RIMS2: variants seen among roughly 807,000 people sequenced by gnomAD.
RIMS2 encodes the protein regulating synaptic membrane exocytosis 2.
In RIMS2, 59 loss-of-function variants were observed where a neutral mutation model predicts 174.4. That is an observed-to-expected ratio of 0.34 (90% CI 0.27 to 0.42). The LOEUF (loss-of-function observed/expected upper bound fraction) is 0.42, where lower values mean the gene tolerates loss of function less well. Among genes scored for constraint, RIMS2 ranks in the 10% least tolerant of loss-of-function variants. The pLI is 1.00. For missense variants in RIMS2, 1,620 were observed against 1,666.3 expected, an observed-to-expected ratio of 0.97 and a Z score of 0.48; for synonymous variants, 606 against 572.5, an observed-to-expected ratio of 1.06 and a Z score of -0.84.
At chr8:104,054,288 C>T (rs189570885) in intron 19 of RIMS2, among the ~76,000 whole-genome samples, 2 of 152,192 alleles carry the variant, frequency 1.3e-5, no homozygotes, top group East Asian at 1.9e-4. Flanking sequence ...GGTAATGTTA[C>T]ACTACATGAC....
chr8:104,172,462 T>G (rs1297162910), intron 19 of RIMS2, among the ~76,000 whole-genome samples: 16 of 152,216 alleles, frequency 1.1e-4, no homozygotes, highest in Admixed American at 1.0e-3. Context: ...GATTTTTGCT[T>G]GATAAATAAT....
intron 2 of RIMS2, among the ~76,000 whole-genome samples, chr8:103,727,245 T>G (rs1287023298): frequency 1.3e-5 from 2 of 152,118 alleles, no homozygotes; most frequent in Non-Finnish European, 1.5e-5. Flanking sequence ...ATAGTTTACC[T>G]TCTTCTTTCT....
At chr8:103,938,423 TGAG>T (rs989123993) in intron 13 of RIMS2, among the ~76,000 whole-genome samples, 2 of 152,026 alleles carry the variant, frequency 1.3e-5, no homozygotes, top group Non-Finnish European at 2.9e-5. Context: ...TTATTCACTA[TGAG>T]GAGAACAGCA....
chr8:104,240,137 C>G (rs564685828), intron 19 of RIMS2, among the ~76,000 whole-genome samples: 1 of 152,290 alleles, frequency 6.6e-6, no homozygotes, highest in East Asian at 1.9e-4. Context: ...AGAGAAAGCA[C>G]TCTGCTTTGA....
chr8:104,071,344 T>C (rs2097191970), intron 19 of RIMS2, among the ~76,000 whole-genome samples: 1 of 152,178 alleles, frequency 6.6e-6, no homozygotes, highest in African/African-American at 2.4e-5. Context: ...ATCAGCAACA[T>C]CAGCATCACT....
chr8:104,036,138 TTTA>T (rs1225037349), intron 19 of RIMS2, among the ~76,000 whole-genome samples: 2 of 42,582 alleles, frequency 4.7e-5, no homozygotes, highest in African/African-American at 3.0e-4. Flanking sequence ...TTTTATTTTA[TTTA>T]TTTATTTATT....
chr8:104,136,521 A>C (rs945978656), intron 19 of RIMS2, among the ~76,000 whole-genome samples: 4 of 152,196 alleles, frequency 2.6e-5, no homozygotes, highest in African/African-American at 9.6e-5. Context: ...TGTAGATAAT[A>C]AATCAGTCTC....
chr8:103,927,653 T>A (rs2079037111), intron 10 of RIMS2, among the ~76,000 whole-genome samples: 1 of 151,530 alleles, frequency 6.6e-6, no homozygotes, highest in South Asian at 2.1e-4. Context: ...GTTTTTAATG[T>A]TTTTTGGCAT....
In RIMS2 at chr8:104,217,408, A is replaced by G. The variant is rs1037720770; in HGVS notation, c.3335-27508A>G. 3.3e-5 allele frequency among the ~76,000 whole-genome samples: 5 copies of G among 152,066 alleles called. No individual in the cohort carries two copies. In the South Asian group the frequency reaches 1.0e-3, roughly 32 times the overall value. On this transcript the variant is annotated intron_variant, in intron 19 of 23. Transcript: ENST00000504942. ...CTCAGCTCCCCAAGTAGCTGGGACT[A>G]CAGGCACGCACCACCACACCTGGCT...
chr8:103,922,353 T>A (rs1158769698), intron 10 of RIMS2, among the ~76,000 whole-genome samples: 1 of 151,986 alleles, frequency 6.6e-6, no homozygotes, highest in Non-Finnish European at 1.5e-5. Context: ...GATCCCTGAT[T>A]TGAACATTTT....
chr8:104,170,734 T>TTATTGAAAA (rs1173451044), intron 19 of RIMS2, among the ~76,000 whole-genome samples: 3 of 152,016 alleles, frequency 2.0e-5, no homozygotes, highest in African/African-American at 7.2e-5. Context: ...TTTCAATGTG[T>TTATTGAAAA]TATTGTTTTA....
intron 15 of RIMS2, among the ~76,000 whole-genome samples, chr8:103,965,152 C>G (rs1350717388): frequency 6.6e-6 from 1 of 152,112 alleles, no homozygotes; most frequent in East Asian, 1.9e-4. Context: ...TTTTACTTCT[C>G]CATATGAGGT....
At position 103,848,095 on chromosome 8, in the gene RIMS2, C is replaced by A. The variant is rs188211307; in HGVS notation, c.699-37203C>A. ...CCTCAATCTTCCAGCAGCCCCTGAT[C>A]AATCAGCTAAGCTATTCACCACTAT... is the stretch of plus-strand genomic sequence containing the variant. On this transcript the variant is annotated intron_variant, in intron 3 of 23. Transcript: ENST00000504942. Among the ~76,000 whole-genome samples the A allele has an allele frequency of 1.6e-3, 249 of 152,158 alleles. 3 individuals carry two copies. Among genetic ancestry groups the A allele is most frequent in the East Asian group, 0.011 (57 of 5,160 alleles).
chr8:103,814,925 A>G (rs1313275515), intron 3 of RIMS2, among the ~76,000 whole-genome samples: 1 of 152,154 alleles, frequency 6.6e-6, no homozygotes, highest in Non-Finnish European at 1.5e-5. Context: ...GAAAACTAAT[A>G]ATCTACTATT....
At position 103,967,170 on chromosome 8, in the gene RIMS2, G is replaced by GTTTTTT. The variant is rs71575988; in HGVS notation, c.2770+6062_2770+6067dup. Among the ~76,000 whole-genome samples, 157 of 24,978 alleles carry GTTTTTT rather than the reference G, an allele frequency of 6.3e-3. 17 individuals carry two copies. The highest frequency in any genetic ancestry group is 0.016 in the East Asian group (15 of 950). The allele number at this position is 24,978 out of a possible 152,430, so 16.4% of individuals were successfully genotyped here. A position where few individuals can be genotyped will look rare whatever the true frequency, so the allele number is the denominator to read the frequency against. Reference sequence around the variant, plus strand: ...TTTTCTGCCTGCTTGATCTGTTCTTGTTTTTTTTTTTTTTTTTTTTTTTTT... The same window carrying GTTTTTT: ...TTTTCTGCCTGCTTGATCTGTTCTTGTTTTTTTTTTTTTTTTTTTTTTTTTTTTTTT... On this transcript the variant is annotated intron_variant, in intron 15 of 23. Transcript: ENST00000504942.
chr8:103,915,021 A>G (rs1011583159), intron 6 of RIMS2, among the ~76,000 whole-genome samples: 1 of 152,042 alleles, frequency 6.6e-6, no homozygotes, highest in Non-Finnish European at 1.5e-5. Context: ...TTTTTTCAAG[A>G]AAGATCCATC....
At chr8:103,983,354 A>G (rs2094077526) in intron 16 of RIMS2, among the ~76,000 whole-genome samples, 1 of 152,240 alleles carries the variant, frequency 6.6e-6, no homozygotes, top group African/African-American at 2.4e-5. Context: ...TGCAATCCCT[A>G]TCAGAATACC....
intron 1 of RIMS2, among the ~76,000 whole-genome samples, chr8:103,546,715 A>G (rs917611161): frequency 6.6e-6 from 1 of 152,136 alleles, no homozygotes; most frequent in African/African-American, 2.4e-5. Flanking sequence ...ATAGAAATCA[A>G]TGCTAGGAAA....
chr8:103,529,593 G>A (rs1230724168), intron 1 of RIMS2, among the ~76,000 whole-genome samples: 2 of 152,180 alleles, frequency 1.3e-5, no homozygotes, highest in African/African-American at 4.8e-5. Flanking sequence ...GCGATGTCTT[G>A]CCCTGCTTCG....
Sources: allele counts gnomAD v4.1 joint callset (sites outside exome capture counted in the v4.1 genomes callset), GRCh38; gene constraint gnomAD v4.1.1; transcripts MANE v1.5; gene names NCBI Gene and HGNC (gene_info 2026-07-23, HGNC 2026-07-21).